Variants in ASB4 observed in about 807,000 individuals in gnomAD.
The protein encoded by ASB4 is ankyrin repeat and SOCS box protein 4.
ASB4 carries 35 observed loss-of-function variants against 38.6 expected under a neutral mutation model. The ratio of observed to expected loss-of-function variants is 0.91; its 90% CI spans 0.69 to 1.20. ASB4 has a LOEUF of 1.20. ASB4 is among the 50% of genes most tolerant of loss of function. ASB4 has a pLI of 0.00. For synonymous variants in ASB4, 195 were observed against 201.3 expected (o/e 0.97, Z 0.26); for missense variants, 557 against 527.2 (o/e 1.06, Z -0.55).
intron 1 of ASB4, among the ~76,000 whole-genome samples, chr7:95,494,469 TA>T (rs1790217578): frequency 6.6e-6 from 1 of 152,256 alleles, no homozygotes. Context: ...AAATGACCAT[TA>T]AATCATATTC....
intron 1 of ASB4, among the ~76,000 whole-genome samples, chr7:95,493,314 A>G (rs1435825779): frequency 6.6e-6 from 1 of 152,084 alleles, no homozygotes; most frequent in African/African-American, 2.4e-5. Context: ...GGAGAGAGAG[A>G]AAGCAAGATG....
Position 95,495,887 on chromosome 7 carries a change from A to G in ASB4, c.317A>G (p.Asn106Ser), listed in dbSNP as rs373101368. 1.9e-6 allele frequency: 3 copies of G among 1,614,032 alleles called. No homozygotes were observed. The highest frequency in any genetic ancestry group is 2.7e-5 in the African/African-American group (2 of 74,918). Reference sequence around the variant, plus strand: ...AATGCTACAATCAACTGTAGACCCAATGGGAAAACCCCTCTTCACGTGGCT... The same window carrying G: ...AATGCTACAATCAACTGTAGACCCAGTGGGAAAACCCCTCTTCACGTGGCT... ...DHNATINCRP[N>S]GKTPLHVACE... The change falls in exon 2 of 5, where the codon AAT becomes AGT. Residue 106 changes from asparagine to serine, a missense_variant. Asn to Ser is a conservative substitution (Grantham distance 46, BLOSUM62 1). Transcript: ENST00000325885.
At chr7:95,519,528 T>C (rs1790631303) in intron 2 of ASB4, among the ~76,000 whole-genome samples, 2 of 152,178 alleles carry the variant, frequency 1.3e-5, no homozygotes, top group Admixed American at 6.6e-5. Flanking sequence ...CAGTGTTTTG[T>C]ACTGAGGCAG....
At chr7:95,491,325 T>C (rs1050337787) in intron 1 of ASB4, among the ~76,000 whole-genome samples, 2 of 152,294 alleles carry the variant, frequency 1.3e-5, no homozygotes, top group East Asian at 3.9e-4. Context: ...ACACAGACTC[T>C]AGACATGGGG....
At chr7:95,530,099 G>T (rs1256714768) in intron 3 of ASB4, among the ~76,000 whole-genome samples, 1 of 53,002 alleles carries the variant, frequency 1.9e-5, no homozygotes, top group African/African-American at 6.4e-5. Context: ...TGGAGAAAAA[G>T]CAGGGCAAAA....
chr7:95,475,887 G>T (rs1789972266), upstream of ASB4, among the ~76,000 whole-genome samples: 4 of 152,124 alleles, frequency 2.6e-5, no homozygotes, highest in Non-Finnish European at 4.4e-5. Context: ...ACTTAGTTAA[G>T]ATTTATGGGG....
At chr7:95,521,403 A>G (rs1249381025) in intron 2 of ASB4, among the ~76,000 whole-genome samples, 1 of 152,142 alleles carries the variant, frequency 6.6e-6, no homozygotes, top group East Asian at 1.9e-4. Context: ...TAATTGGCAA[A>G]CACTAAGAAG....
chr7:95,472,232 A>AT, the ASB4 span, among the ~76,000 whole-genome samples: 2 of 151,670 alleles, frequency 1.3e-5, no homozygotes, highest in African/African-American at 4.8e-5. Context: ...TTTCCCCAAA[A>AT]ATGTGTCCAA....
intron 3 of ASB4, 69 bp from the exon 4 acceptor site, chr7:95,536,368 T>C: frequency 1.0e-6 from 1 of 995,402 alleles, no homozygotes; most frequent in East Asian, 2.5e-5. Context: ...ATTCTTGATG[T>C]CTCTGTGAGC....
chr7:95,529,085 G>T (rs1418014658), intron 3 of ASB4, among the ~76,000 whole-genome samples: 1 of 152,150 alleles, frequency 6.6e-6, no homozygotes, highest in African/African-American at 2.4e-5. Context: ...TCCTCAAGAA[G>T]CTTAGAATCT....
chr7:95,511,230 A>G (rs1790476216), intron 2 of ASB4, among the ~76,000 whole-genome samples: 1 of 152,118 alleles, frequency 6.6e-6, no homozygotes, highest in Non-Finnish European at 1.5e-5. Context: ...CCAAGACAAA[A>G]CATTTTGTTG....
At chr7:95,544,933 CT>C (rs1369359583), downstream of ASB4, among the ~76,000 whole-genome samples, 1 of 152,128 alleles carries the variant, frequency 6.6e-6, no homozygotes, top group Admixed American at 6.5e-5. Flanking sequence ...TGTGATCCAC[CT>C]GTCTCGGCCT....
intron 1 of ASB4, among the ~76,000 whole-genome samples, chr7:95,479,838 T>C (rs1422155121): frequency 6.6e-6 from 1 of 152,174 alleles, no homozygotes; most frequent in Non-Finnish European, 1.5e-5. Flanking sequence ...CTAAGCTTCA[T>C]TGAGCTTCAA....
chr7:95,497,186 AT>A (rs1790263486), intron 2 of ASB4, among the ~76,000 whole-genome samples: 1 of 152,096 alleles, frequency 6.6e-6, no homozygotes, highest in Non-Finnish European at 1.5e-5. Context: ...ACATGATTTA[AT>A]TTTCCTTTAA....
chr7:95,512,868 A>G (rs1790501640), intron 2 of ASB4, among the ~76,000 whole-genome samples: 2 of 152,164 alleles, frequency 1.3e-5, no homozygotes, highest in African/African-American at 4.8e-5. Context: ...CGACCCTCCA[A>G]AGATGTCTAA....
intron 2 of ASB4, 49 bp downstream of exon 2, chr7:95,496,106 G>T (rs1305389439): frequency 1.9e-6 from 3 of 1,547,556 alleles, no homozygotes; most frequent in African/African-American, 2.7e-5. Flanking sequence ...TACACTCATG[G>T]TTTCAAGACT....
intron 1 of ASB4, among the ~76,000 whole-genome samples, chr7:95,493,172 A>C (rs939327435): frequency 5.3e-5 from 8 of 152,206 alleles, no homozygotes; most frequent in African/African-American, 1.9e-4. Context: ...CTATTAGCTG[A>C]ATATAGATTC....
At chr7:95,492,304 G>GAA in intron 1 of ASB4, among the ~76,000 whole-genome samples, 1 of 152,236 alleles carries the variant, frequency 6.6e-6, no homozygotes, top group African/African-American at 2.4e-5. Flanking sequence ...TTAGGAGGAG[G>GAA]AAAAAAATTC....
In ASB4 at chr7:95,539,311, A is replaced by G. The variant is rs531995729; in HGVS notation, c.*1552A>G. The stretch of plus-strand genomic sequence containing the variant: ...GGCAATCACCTAACTGGTTAATCTC[A>G]GTTGAGACTGTGCTTCTGAACTGGG... On this transcript the variant is annotated 3_prime_UTR_variant, in exon 5 of 5. Coordinates refer to ENST00000325885, the MANE Select transcript of ASB4 (RefSeq NM_016116.3). 1 of 152,318 alleles carries G rather than the reference A, an allele frequency of 6.6e-6. No individual in the cohort carries two copies. Among genetic ancestry groups the G allele is most frequent in the Admixed American group, 6.5e-5 (1 of 15,298 alleles). The allele number at this position is 152,318 out of a possible 1,614,324, so 9.4% of individuals were successfully genotyped here. A position where few individuals can be genotyped will look rare whatever the true frequency, so the allele number is the denominator to read the frequency against.
Sources: allele counts gnomAD v4.1 joint callset (sites outside exome capture counted in the v4.1 genomes callset), GRCh38; gene constraint gnomAD v4.1.1; transcripts MANE v1.5; gene names NCBI Gene and HGNC (gene_info 2026-07-23, HGNC 2026-07-21).